Variants in NCALD observed in about 807,000 individuals in gnomAD.
The protein encoded by NCALD is neurocalcin-delta.
Under a neutral mutation model 18.6 loss-of-function variants are expected in NCALD, and 10 were observed. That is an observed-to-expected ratio of 0.54 (90% CI 0.33 to 0.91). NCALD has a LOEUF of 0.91. Among genes scored for constraint, NCALD ranks in the 40% least tolerant of loss-of-function variants. The pLI is 0.03. For synonymous variants in NCALD, 88 were observed against 87.4 expected (o/e 1.01, Z -0.04); for missense variants, 184 against 247.6 (o/e 0.74, Z 1.72).
chr8:102,099,603 C>T (rs1404748467), intron 1 of NCALD, among the ~76,000 whole-genome samples: 1 of 149,758 alleles, frequency 6.7e-6, no homozygotes, highest in Non-Finnish European at 1.5e-5. Context: ...CAGATAATGA[C>T]ATTTAGGTTG....
rs73699958 is a variant in NCALD at position 101,781,922 on chromosome 8, A to G, written c.-20+8940T>C. ...TTGCCAGACACTTATATTGATGATC[A>G]GTATTCAAAGATTTCAGGTGTAATG... On this transcript the variant is annotated intron_variant, in intron 1 of 3. Transcript: ENST00000220931. 3.0e-3 allele frequency among the ~76,000 whole-genome samples: 459 copies of G among 151,998 alleles called. 4 individuals carry two copies. The highest frequency in any genetic ancestry group is 0.011 in the African/African-American group (437 of 41,500).
intron 3 of NCALD, chr8:101,691,540 T>C (rs1188362080): frequency 1.0e-6 from 1 of 985,256 alleles, no homozygotes; most frequent in Non-Finnish European, 1.2e-6. Flanking sequence ...ACAAACCCAT[T>C]GTGCTCCCTT....
rs117049318 is a variant in NCALD at position 102,076,845 on chromosome 8, A to T, written c.-210+47392T>A. On this transcript the variant is annotated intron_variant, in intron 1 of 6. Coordinates refer to the NCALD transcript ENST00000311028. The stretch of plus-strand genomic sequence containing the variant: ...TTCCTTCTGAAATGACACACACTTG[A>T]AGTTGTTTTTCTAATGGTGATGGTA... Among the ~76,000 whole-genome samples the T allele has an allele frequency of 2.0e-3, 297 of 152,302 alleles. 10 individuals are homozygous for T. The East Asian group carries it at 0.049, about 25-fold the overall frequency.
rs530114358 is a variant in NCALD, at chr8:101,867,256, C to T, written c.-20+19885G>A. Among the ~76,000 whole-genome samples, 250 of 152,278 alleles carry T rather than the reference C, an allele frequency of 1.6e-3. 5 individuals carry two copies. In the South Asian group the frequency reaches 0.019, roughly 12 times the overall value. The stretch of plus-strand genomic sequence containing the variant: ...TCAAACCGCCCCTACCTTCAATTTT[C>T]CTAGTTTTTTTCCCCTTAGCAATCA... On this transcript the variant is annotated intron_variant, in intron 4 of 6. Transcript: ENST00000311028.
At chr8:101,793,128 A>T (rs1293440178), upstream of NCALD, among the ~76,000 whole-genome samples, 1 of 152,142 alleles carries the variant, frequency 6.6e-6, no homozygotes, top group Non-Finnish European at 1.5e-5. Context: ...AGGCCGGTGG[A>T]TCACAAGGTC....
At chr8:102,108,059 A>C (rs1329584841) in intron 1 of NCALD, among the ~76,000 whole-genome samples, 1 of 152,102 alleles carries the variant, frequency 6.6e-6, no homozygotes, top group Non-Finnish European at 1.5e-5. Flanking sequence ...AAAAGCAGGA[A>C]CTAGAGGCCA....
intron 4 of NCALD, among the ~76,000 whole-genome samples, chr8:101,884,311 T>C (rs1479300225): frequency 6.6e-6 from 1 of 152,170 alleles, no homozygotes; most frequent in African/African-American, 2.4e-5. Context: ...ATTTGTAAAA[T>C]GTATTTGTGT....
At chr8:101,800,691 T>A (rs1321045498) in intron 4 of NCALD, among the ~76,000 whole-genome samples, 1 of 151,268 alleles carries the variant, frequency 6.6e-6, no homozygotes, top group African/African-American at 2.4e-5. Flanking sequence ...TACATATATA[T>A]CACACAAACT....
At chr8:102,099,141 A>C (rs749974926) in intron 1 of NCALD, among the ~76,000 whole-genome samples, 1 of 152,214 alleles carries the variant, frequency 6.6e-6, no homozygotes, top group Non-Finnish European at 1.5e-5. Context: ...TCTGAATTCC[A>C]TCTCTGGAAT....
At chr8:102,080,372 T>C (rs777335691) in intron 1 of NCALD, among the ~76,000 whole-genome samples, 8 of 152,128 alleles carry the variant, frequency 5.3e-5, no homozygotes, top group Non-Finnish European at 1.0e-4. Context: ...AAAAACAATA[T>C]ACCACGGCAC....
intron 2 of NCALD, among the ~76,000 whole-genome samples, chr8:101,927,594 G>A (rs992758749): frequency 7.9e-5 from 12 of 152,294 alleles, no homozygotes; most frequent in Admixed American, 3.3e-4. Flanking sequence ...GGTGTGGCAC[G>A]GTCCGACATC....
chr8:101,766,699 C>A (rs529449819), intron 1 of NCALD, among the ~76,000 whole-genome samples: 3 of 152,268 alleles, frequency 2.0e-5, no homozygotes, highest in Admixed American at 2.0e-4. Context: ...GCCTCAGCCT[C>A]CCGAGTAGCT....
intron 1 of NCALD, among the ~76,000 whole-genome samples, chr8:102,067,895 A>G (rs576963533): frequency 6.6e-6 from 1 of 152,208 alleles, no homozygotes; most frequent in South Asian, 2.1e-4. Flanking sequence ...GTCTAATACA[A>G]TTATTTTCCA....
chr8:101,687,754 T>C lies in NCALD; in HGVS notation c.*1555A>G, dbSNP rs1042028041. 2.0e-5 allele frequency: 3 copies of C among 152,242 alleles called. No homozygotes were observed. The highest frequency in any genetic ancestry group is 6.5e-5 in the Admixed American group (1 of 15,280). The allele number at this position is 152,242 out of a possible 1,614,324, so 9.4% of individuals were successfully genotyped here. A position where few individuals can be genotyped will look rare whatever the true frequency, so the allele number is the denominator to read the frequency against. Reference sequence around the variant, plus strand: ...CTTGAGAATTTGGGCCTCCCTTTGCTAACTACTTGCAAGAGTATGACTCGC... The same window carrying C: ...CTTGAGAATTTGGGCCTCCCTTTGCCAACTACTTGCAAGAGTATGACTCGC... On this transcript the variant is annotated 3_prime_UTR_variant, in exon 4 of 4. Coordinates refer to ENST00000220931, the MANE Select transcript of NCALD (RefSeq NM_032041.3).
chr8:101,922,439 C>G (rs769272841), intron 2 of NCALD, among the ~76,000 whole-genome samples: 52 of 152,290 alleles, frequency 3.4e-4, no homozygotes, highest in African/African-American at 1.2e-3. Flanking sequence ...CACATCCTAT[C>G]TTACCTATTT....
chr8:101,752,751 G>A (rs1282763494), intron 1 of NCALD, among the ~76,000 whole-genome samples: 1 of 152,210 alleles, frequency 6.6e-6, no homozygotes. Flanking sequence ...CTCTGCAAGA[G>A]CTAGCAATCT....
chr8:102,079,922 T>C (rs984062366), intron 1 of NCALD, among the ~76,000 whole-genome samples: 2 of 152,182 alleles, frequency 1.3e-5, no homozygotes, highest in Non-Finnish European at 2.9e-5. Flanking sequence ...TTTGCCCAAA[T>C]ATTATAAAGC....
intron 4 of NCALD, among the ~76,000 whole-genome samples, chr8:101,874,528 T>C (rs1295628581): frequency 6.6e-6 from 1 of 152,116 alleles, no homozygotes; most frequent in African/African-American, 2.4e-5. Context: ...GCTGCGTTTT[T>C]CTTAATCAAA....
At chr8:101,819,958 C>T (rs1813654299) in intron 4 of NCALD, among the ~76,000 whole-genome samples, 1 of 152,204 alleles carries the variant, frequency 6.6e-6, no homozygotes, top group Admixed American at 6.5e-5. Flanking sequence ...CCTAAAGCCA[C>T]TCTTCCTTTC....
Sources: gnomAD v4.1 joint callset for allele counts (sites outside exome capture counted in the v4.1 genomes callset) on GRCh38, gnomAD v4.1.1 for gene constraint, MANE v1.5 for transcripts, NCBI Gene and HGNC (gene_info 2026-07-23, HGNC 2026-07-21) for gene names.